The following RNASET2 variants were observed in gnomAD, a reference collection of about 807,000 sequenced individuals.
RNASET2 encodes the protein ribonuclease 6.
Under a neutral mutation model 33.9 loss-of-function variants are expected in RNASET2, and 28 were observed. That is an observed-to-expected ratio of 0.83 (90% confidence interval 0.61 to 1.13). RNASET2 has a LOEUF of 1.13. Among genes scored for constraint, RNASET2 ranks in the 50% most tolerant of loss-of-function variants. The probability of loss-of-function intolerance (pLI) is 0.00; values close to 1 mark genes in which losing one functional copy is unlikely to be tolerated. For synonymous variants in RNASET2, 123 were observed against 121.0 expected, an observed-to-expected ratio of 1.02 and a Z score of -0.11; for missense variants, 330 against 319.9, an observed-to-expected ratio of 1.03 and a Z score of -0.24.
chr6:166,956,428 C>T lies in RNASET2; in HGVS notation c.-246G>A, dbSNP rs570263679. 1.8e-6 allele frequency: 1 copy of T among 561,160 alleles called. No homozygotes were observed. 34.8% of individuals were successfully genotyped at this position (561,160 alleles called of 1,614,324 possible). A position where few individuals can be genotyped will look rare whatever the true frequency, so the allele number is the denominator to read the frequency against. On this transcript the variant is annotated 5_prime_UTR_variant, in exon 1 of 9. Coordinates refer to ENST00000508775, the MANE Select transcript of RNASET2 (RefSeq NM_003730.6). ...CCCTGGCGACCCGGGCCCCTCGGAG[C>T]TCCCCTTCAGGATCGTGCACCAAGC...
intron 1 of RNASET2, 179 bp from the exon 2 acceptor site, chr6:166,952,727 G>C (rs1011600844): frequency 6.4e-6 from 4 of 621,230 alleles, no homozygotes; most frequent in Non-Finnish European, 8.9e-6. Flanking sequence ...CCTACACTAA[G>C]AAGGCACGTG....
At chr6:166,952,754 T>A (rs1464542169) in intron 1 of RNASET2, 1 of 563,378 alleles carries the variant, frequency 1.8e-6, no homozygotes, top group African/African-American at 1.9e-5. Context: ...CGTCCAGTGC[T>A]GAGTGGCGGA....
At chr6:166,944,007 C>G (rs1199076387) in intron 4 of RNASET2, 1 of 207,672 alleles carries the variant, frequency 4.8e-6, no homozygotes, top group Non-Finnish European at 1.0e-5. Flanking sequence ...GTAATCCCAG[C>G]TACTCAGGAG....
chr6:166,951,028 C>T (rs1365418175), intron 2 of RNASET2, among the ~76,000 whole-genome samples: 3 of 152,044 alleles, frequency 2.0e-5, no homozygotes, highest in African/African-American at 4.8e-5. Flanking sequence ...GTAGTGGCCC[C>T]GAATGCCTGG....
rs548523987 is a variant in RNASET2 at position 166,953,879 on chromosome 6, C to CAAAAAAAAAAAAAAAAAAAAAAAAAA, written c.87-1332_87-1331insTTTTTTTTTTTTTTTTTTTTTTTTTT. Among the ~76,000 whole-genome samples, 36 of 110,702 alleles carry CAAAAAAAAAAAAAAAAAAAAAAAAAA rather than the reference C, an allele frequency of 3.3e-4. 2 individuals carry two copies. In the East Asian group the frequency reaches 3.6e-3, roughly 11 times the overall value. The allele number at this position is 110,702 out of a possible 152,430, so 72.6% of individuals were successfully genotyped here. A position where few individuals can be genotyped will look rare whatever the true frequency, so the allele number is the denominator to read the frequency against. ...TGGGCTACACAGCCAGACCCTGTCT[C>CAAAAAAAAAAAAAAAAAAAAAAAAAA]AAAAAAAAAAAAAAAGGATGAGCTG... On this transcript the variant is annotated intron_variant, in intron 1 of 8. Coordinates refer to ENST00000508775, the MANE Select transcript of RNASET2 (RefSeq NM_003730.6).
At chr6:166,942,996 A>C (rs1562499116) in intron 5 of RNASET2, 23 bp downstream of exon 5, 2 of 1,604,496 alleles carry the variant, frequency 1.2e-6, no homozygotes, top group Non-Finnish European at 1.7e-6. Flanking sequence ...TAATCAAGAC[A>C]GCAATCAGAG....
rs768664056 is a variant in RNASET2 at position 166,946,690 on chromosome 6, C to G, written c.253G>C (p.Glu85Gln). 1.9e-6 allele frequency: 3 copies of G among 1,539,710 alleles called. No homozygotes were observed. The highest frequency in any genetic ancestry group is 2.7e-6 in the Non-Finnish European group (3 of 1,123,272). The part of the protein sequence containing the change: ...CNRSWPFNLE[E>Q]IKDLLPEMRA... ...TAATTAAAAGTCAATACCTTAATCT[C>G]TTCTAAATTGAAGGGCCACGATCTA... The change falls in exon 4 of 9, where the codon GAG becomes CAG. Residue 85 changes from glutamate (E) to glutamine (Q), a missense_variant. By Grantham distance (29) the Glu-to-Gln change is conservative. Coordinates refer to ENST00000508775, the MANE Select transcript of RNASET2 (RefSeq NM_003730.6).
chr6:166,949,847 A>G (rs1230777895), intron 2 of RNASET2, among the ~76,000 whole-genome samples: 8 of 152,202 alleles, frequency 5.3e-5, no homozygotes, highest in Non-Finnish European at 1.2e-4. Context: ...AGCCCAGAAC[A>G]CTGAGAACCC....
At chr6:166,947,280 G>A (rs770657472) in intron 3 of RNASET2, among the ~76,000 whole-genome samples, 42 of 152,258 alleles carry the variant, frequency 2.8e-4, no homozygotes, top group Middle Eastern at 3.4e-3. Context: ...AGTAGCAAAC[G>A]CACTTACACT....
At position 166,931,266 on chromosome 6, in the gene RNASET2, C is replaced by T. The variant is rs1778432299; in HGVS notation, c.493-148G>A. ...CAGCACAGGTGTGAGAATGATGCCC[C>T]CACCTCCACCAGCGAAGCAGAGGAT... On this transcript the variant is annotated intron_variant, in intron 7 of 8. Coordinates refer to ENST00000508775, the MANE Select transcript of RNASET2 (RefSeq NM_003730.6). 7 of 689,276 alleles carry T rather than the reference C, an allele frequency of 1.0e-5. No homozygotes were observed. In the East Asian group the frequency reaches 1.6e-4, roughly 16 times the overall value. The allele number at this position is 689,276 out of a possible 1,614,324, so 42.7% of individuals were successfully genotyped here.
chr6:166,952,430 A>C, intron 2 of RNASET2, 58 bp downstream of exon 2: 1 of 1,491,646 alleles, frequency 6.7e-7, no homozygotes, highest in Non-Finnish European at 9.4e-7. Flanking sequence ...ACGTGCACAC[A>C]AACCCCTCTT....
rs934803347 is a variant in RNASET2, at chr6:166,924,877, G to A, written c.*4711C>T. On this transcript the variant is annotated 3_prime_UTR_variant, in exon 9 of 9. Transcript: ENST00000508775. ...GGAAAAGATCCCTGCTTATGGCCAT[G>A]TCCCAGTGCCTAGAAGAGAGGCGGC... Among the ~76,000 whole-genome samples, 2 of 152,228 alleles carry A rather than the reference G, an allele frequency of 1.3e-5. No individual in the cohort carries two copies. Among genetic ancestry groups the A allele is most frequent in the Non-Finnish European group, 2.9e-5 (2 of 68,048 alleles).
intron 1 of RNASET2, 43 bp downstream of exon 1, chr6:166,956,054 C>A: frequency 6.5e-7 from 1 of 1,531,754 alleles, no homozygotes; most frequent in Non-Finnish European, 8.9e-7. Context: ...AGCTCTAGGG[C>A]CCGGCTCCCA....
rs774543357 is a variant in RNASET2, at chr6:166,943,032, G to A, written c.319C>T (p.Arg107Cys). 6.3e-5 allele frequency: 102 copies of A among 1,613,458 alleles called. No individual in the cohort carries two copies. Among genetic ancestry groups the A allele is most frequent in the Non-Finnish European group, 7.2e-5 (85 of 1,179,714 alleles). ...GCTGGGACTTACCAGAAGCGGCTGC[G>A]ATTGGGAAACGAGTGAATTACGTCA... Reference protein sequence around the residue: ...WPDVIHSFPNRSRFWKHEWEK... With the variant: ...WPDVIHSFPNCSRFWKHEWEK... Residue 107 changes from arginine to cysteine, a missense_variant, in exon 5 of 9, where the codon CGC becomes TGC. Coordinates refer to ENST00000508775, the MANE Select transcript of RNASET2 (RefSeq NM_003730.6).
intron 1 of RNASET2, chr6:166,952,766 A>T: frequency 1.8e-6 from 1 of 542,246 alleles, no homozygotes. Flanking sequence ...AGTGGCGGAG[A>T]ACATGAATAG....
rs1440035938 is a variant in RNASET2 at position 166,948,575 on chromosome 6, T to C, written c.198A>G (p.Gly66=). The part of the protein sequence containing the change: ...RDPPDYWTIH[G]LWPDKSEGCN... ...TAATTGTGTGAGACACTTGCCATAG[T>C]CCATGTATTGTCCAGTAATCCGGAG... is the stretch of plus-strand genomic sequence containing the variant. The change falls in exon 3 of 9, where the codon GGA becomes GGG. Residue 66 remains glycine, a synonymous_variant. Coordinates refer to ENST00000508775, the MANE Select transcript of RNASET2 (RefSeq NM_003730.6). 2 of 1,596,824 alleles carry C rather than the reference T, an allele frequency of 1.3e-6. No homozygotes were observed. The highest frequency in any genetic ancestry group is 1.7e-4 in the Middle Eastern group (1 of 5,818).
chr6:166,955,268 C>G (rs1276895120), intron 1 of RNASET2, among the ~76,000 whole-genome samples: 2 of 94,998 alleles, frequency 2.1e-5, no homozygotes, highest in Non-Finnish European at 4.0e-5. Flanking sequence ...CACACACACA[C>G]ACGCGCACAC....
In RNASET2 at chr6:166,956,196, G is replaced by C. The variant is rs886061242; in HGVS notation, c.-14C>G. The C allele has an allele frequency of 6.5e-7, 1 of 1,546,880 alleles. No homozygotes were observed. Among genetic ancestry groups the C allele is most frequent in the Non-Finnish European group, 8.7e-7 (1 of 1,144,924 alleles). The stretch of plus-strand genomic sequence containing the variant: ...TGCAGGGCGCATGGTGCCGACCTGC[G>C]GAGAGAACGCTGCCAGCTGCCGCTC... On this transcript the variant is annotated 5_prime_UTR_variant, in exon 1 of 9. Transcript: ENST00000508775.
rs1300960805 is a variant in RNASET2, at chr6:166,926,081, C to A, written c.*3507G>T. Among the ~76,000 whole-genome samples the A allele has an allele frequency of 3.9e-5, 6 of 152,184 alleles. No individual in the cohort carries two copies. Among genetic ancestry groups the A allele is most frequent in the Non-Finnish European group, 2.9e-5 (2 of 68,044 alleles). ...CCCAGATGGGAGACTGAGGCTTGAA[C>A]TAAGTCAGTAATGAGAAGGATAAGC... On this transcript the variant is annotated 3_prime_UTR_variant, in exon 9 of 9. Transcript: ENST00000508775.
Sources: allele counts gnomAD v4.1 joint callset (sites outside exome capture counted in the v4.1 genomes callset), GRCh38; gene constraint gnomAD v4.1.1; transcripts MANE v1.5; gene names NCBI Gene and HGNC (gene_info 2026-07-23, HGNC 2026-07-21).